RAB3C: variants seen among roughly 807,000 people sequenced by gnomAD.
The protein encoded by RAB3C is RAB3C, member RAS oncogene family.
A neutral mutation model predicts 26.4 loss-of-function variants in RAB3C; 17 were observed. The observed-to-expected ratio is 0.64, with a 90% CI of 0.44 to 0.97. RAB3C has a LOEUF of 0.97. Ranked by LOEUF, RAB3C falls within the 50% of genes least tolerant of loss-of-function variation. RAB3C has a pLI of 0.00. For missense variants in RAB3C, 242 were observed against 281.9 expected, an observed-to-expected ratio of 0.86 and a Z score of 1.01; for synonymous variants, 91 against 95.9, an observed-to-expected ratio of 0.95 and a Z score of 0.30.
intron 4 of RAB3C, among the ~76,000 whole-genome samples, chr5:58,840,151 GCTTT>G (rs1464571749): frequency 6.6e-6 from 1 of 151,214 alleles, no homozygotes; most frequent in Non-Finnish European, 1.5e-5. Context: ...AGTCCTGTAG[GCTTT>G]ATTTATTTAT....
chr5:58,633,548 T>G (rs189787224), intron 2 of RAB3C, among the ~76,000 whole-genome samples: 185 of 152,258 alleles, frequency 1.2e-3, no homozygotes, highest in Non-Finnish European at 2.5e-3. Context: ...AGAAAAAAAT[T>G]GAGATGAGAC....
chr5:58,683,506 T>C (rs1054692450), intron 2 of RAB3C, among the ~76,000 whole-genome samples: 9 of 152,200 alleles, frequency 5.9e-5, no homozygotes, highest in South Asian at 2.1e-4. Flanking sequence ...TGGTTTCCTA[T>C]TGCGGCTATA....
At position 58,756,371 on chromosome 5, in the gene RAB3C, TATAACTACTATATAAC is replaced by T. The variant is rs1388486506; in HGVS notation, c.371+30255_371+30270del. 3.8e-3 allele frequency among the ~76,000 whole-genome samples: 503 copies of T among 131,428 alleles called. 5 individuals carry two copies. The highest frequency in any genetic ancestry group is 0.014 in the African/African-American group (469 of 34,676). 86.2% of individuals were successfully genotyped at this position (131,428 alleles called of 152,430 possible). A position where few individuals can be genotyped will look rare whatever the true frequency, so the allele number is the denominator to read the frequency against. On this transcript the variant is annotated intron_variant, in intron 3 of 4. Transcript: ENST00000282878. Reference sequence around the variant, plus strand: ...GTTATATATATATATAACATATATATATAACTACTATATAACATATATATATATATATATGTATGTT... The same window carrying T: ...GTTATATATATATATAACATATATATATATATATATATATATATGTATGTT...
chr5:58,659,107 G>A (rs1461784371), intron 2 of RAB3C, among the ~76,000 whole-genome samples: 1 of 152,044 alleles, frequency 6.6e-6, no homozygotes, highest in Non-Finnish European at 1.5e-5. Flanking sequence ...ACCATGTTAG[G>A]CAAAAAAACT....
At chr5:58,639,835 T>A (rs158965) in intron 2 of RAB3C, among the ~76,000 whole-genome samples, 120,452 of 152,122 alleles carry the variant, frequency 0.79, 48,061 homozygotes, top group African/African-American at 0.88. Flanking sequence ...TCTCTAAAAC[T>A]TATCTGTTAA....
At position 58,583,096 on chromosome 5, in the gene RAB3C, T is replaced by G. The variant is rs1484069032; in HGVS notation, c.-113T>G. On this transcript the variant is annotated 5_prime_UTR_variant, in exon 1 of 5. Coordinates refer to ENST00000282878, the MANE Select transcript of RAB3C (RefSeq NM_138453.4). ...CTCCAGTGCTGATGTTGGAGCCGGTTAGCGAACCCCAAGAGTGCAGAGTGT... is the reference window on the plus strand; with the variant it reads ...CTCCAGTGCTGATGTTGGAGCCGGTGAGCGAACCCCAAGAGTGCAGAGTGT... 6.4e-7 allele frequency: 1 copy of G among 1,572,352 alleles called. No homozygotes were observed. Among genetic ancestry groups the G allele is most frequent in the East Asian group, 2.3e-5 (1 of 43,990 alleles).
intron 2 of RAB3C, among the ~76,000 whole-genome samples, chr5:58,627,533 C>T (rs1747086181): frequency 2.2e-5 from 3 of 136,030 alleles, no homozygotes; most frequent in Admixed American, 7.6e-5. Flanking sequence ...AGCTTAAATT[C>T]GGTGCAAATT....
chr5:58,703,409 C>T (rs186296117), intron 2 of RAB3C, among the ~76,000 whole-genome samples: 5 of 152,010 alleles, frequency 3.3e-5, no homozygotes, highest in Admixed American at 1.3e-4. Flanking sequence ...CTTGAACTCC[C>T]GACCTCAGCT....
intron 3 of RAB3C, chr5:58,788,411 T>C (rs1297536613): frequency 6.6e-6 from 1 of 152,232 alleles, no homozygotes; most frequent in Non-Finnish European, 1.5e-5. Context: ...CATCCTCAAA[T>C]GAGAACCTGC....
At chr5:58,723,490 C>T (rs1483307976) in intron 2 of RAB3C, among the ~76,000 whole-genome samples, 1 of 151,808 alleles carries the variant, frequency 6.6e-6, no homozygotes, top group African/African-American at 2.4e-5. Flanking sequence ...TTCCCAGCCT[C>T]CTTGGATCAC....
intron 3 of RAB3C, among the ~76,000 whole-genome samples, chr5:58,758,791 G>T (rs1011203862): frequency 2.0e-5 from 3 of 152,104 alleles, no homozygotes; most frequent in African/African-American, 7.2e-5. Context: ...AATCTGGAAG[G>T]ATCACTTCAT....
chr5:58,836,186 T>C (rs1258082732), intron 4 of RAB3C, among the ~76,000 whole-genome samples: 1 of 152,192 alleles, frequency 6.6e-6, no homozygotes, highest in African/African-American at 2.4e-5. Flanking sequence ...TTATTATGGT[T>C]TCTTAGTGGT....
intron 2 of RAB3C, among the ~76,000 whole-genome samples, chr5:58,717,162 T>C (rs1749189266): frequency 6.6e-6 from 1 of 152,102 alleles, no homozygotes. Flanking sequence ...CAAATCTCAG[T>C]ACTGTTGAGC....
At chr5:58,588,669 T>C (rs2111652526) in intron 1 of RAB3C, among the ~76,000 whole-genome samples, 1 of 152,258 alleles carries the variant, frequency 6.6e-6, no homozygotes, top group East Asian at 1.9e-4. Context: ...ATATTCTAAA[T>C]AGTGCCTTTT....
At chr5:58,754,229 C>T (rs1014996250) in intron 3 of RAB3C, among the ~76,000 whole-genome samples, 1 of 152,154 alleles carries the variant, frequency 6.6e-6, no homozygotes, top group African/African-American at 2.4e-5. Flanking sequence ...CTTTACAACA[C>T]AATTATTATA....
rs534635086 is a variant in RAB3C at position 58,763,813 on chromosome 5, T to C, written c.371+37693T>C. Among the ~76,000 whole-genome samples, 4 of 152,304 alleles carry C rather than the reference T, an allele frequency of 2.6e-5. No homozygotes were observed. The South Asian group carries it at 6.2e-4, about 24-fold the overall frequency. The stretch of plus-strand genomic sequence containing the variant: ...AAGCAGAAAAGGTAATAGAGTGATA[T>C]GGATATTATAACACAGAGAGAATGG... On this transcript the variant is annotated intron_variant, in intron 3 of 4. Transcript: ENST00000282878.
chr5:58,780,696 C>G, intron 3 of RAB3C, among the ~76,000 whole-genome samples: 1 of 152,078 alleles, frequency 6.6e-6, no homozygotes, highest in Non-Finnish European at 1.5e-5. Context: ...CTCTGTCTCC[C>G]TAGACAGGGT....
At chr5:58,818,825 T>A (rs1291176885) in intron 3 of RAB3C, among the ~76,000 whole-genome samples, 1 of 152,162 alleles carries the variant, frequency 6.6e-6, no homozygotes, top group Admixed American at 6.5e-5. Flanking sequence ...AATAAGAAAT[T>A]TCACAAAATA....
intron 3 of RAB3C, among the ~76,000 whole-genome samples, chr5:58,739,750 C>A (rs1741236819): frequency 6.6e-6 from 1 of 152,148 alleles, no homozygotes; most frequent in Admixed American, 6.5e-5. Context: ...ACAAGCAGCC[C>A]AAGCATATGT....
Sources: allele counts gnomAD v4.1 joint callset (sites outside exome capture counted in the v4.1 genomes callset), GRCh38; gene constraint gnomAD v4.1.1; transcripts MANE v1.5; gene names NCBI Gene and HGNC (gene_info 2026-07-23, HGNC 2026-07-21).